Variants in DNM3 observed in about 807,000 individuals in gnomAD.
The protein encoded by DNM3 is dynamin 3.
A neutral mutation model predicts 101.6 loss-of-function variants in DNM3; 47 were observed. That is an observed-to-expected ratio of 0.46 (90% CI 0.37 to 0.59). The LOEUF (loss-of-function observed/expected upper bound fraction) is 0.59. Among genes scored for constraint, DNM3 ranks in the 20% least tolerant of loss-of-function variants. DNM3 has a pLI of 0.00. For missense variants in DNM3, 849 were observed against 1,085.7 expected (o/e 0.78, Z 3.06); for synonymous variants, 385 against 387.9 (o/e 0.99, Z 0.09).
At chr1:172,072,384 G>A (rs975151703) in intron 11 of DNM3, among the ~76,000 whole-genome samples, 5 of 152,148 alleles carry the variant, frequency 3.3e-5, no homozygotes, top group South Asian at 2.1e-4. Context: ...ATTTTTGGTA[G>A]TGGGAGTAGA....
chr1:172,217,647 T>G (rs10489293), intron 14 of DNM3, among the ~76,000 whole-genome samples: 30,652 of 152,146 alleles, frequency 0.2, 4,099 homozygotes, highest in Middle Eastern at 0.32. Context: ...AAATTTAGCC[T>G]GTATCTTACA....
intron 14 of DNM3, among the ~76,000 whole-genome samples, chr1:172,197,279 G>C (rs1019678786): frequency 6.6e-6 from 1 of 151,862 alleles, no homozygotes; most frequent in African/African-American, 2.4e-5. Flanking sequence ...GCCTGTTTTT[G>C]TATCAGTACC....
At chr1:172,106,984 C>T (rs905923439) in intron 13 of DNM3, among the ~76,000 whole-genome samples, 1 of 149,256 alleles carries the variant, frequency 6.7e-6, no homozygotes, top group Non-Finnish European at 1.5e-5. Flanking sequence ...CCTCAGCCTC[C>T]CGAGTAGCTG....
At chr1:171,911,465 T>C (rs1428126816) in intron 1 of DNM3, among the ~76,000 whole-genome samples, 1 of 152,106 alleles carries the variant, frequency 6.6e-6, no homozygotes, top group Non-Finnish European at 1.5e-5. Flanking sequence ...GTATTTTTAG[T>C]ATAGACGGGG....
At chr1:172,388,303 G>T (rs911317415) in intron 19 of DNM3, among the ~76,000 whole-genome samples, 3 of 152,072 alleles carry the variant, frequency 2.0e-5, no homozygotes, top group East Asian at 1.9e-4. Context: ...TATATATAGA[G>T]AGAGAAAATA....
chr1:172,225,399 T>TGC (rs2061075240), intron 14 of DNM3, among the ~76,000 whole-genome samples: 1 of 151,928 alleles, frequency 6.6e-6, no homozygotes, highest in Non-Finnish European at 1.5e-5. Context: ...CCTCCCAAAG[T>TGC]GCTGGGATTA....
At chr1:171,990,347 G>A (rs2045554889) in intron 4 of DNM3, among the ~76,000 whole-genome samples, 1 of 152,112 alleles carries the variant, frequency 6.6e-6, no homozygotes, top group Admixed American at 6.6e-5. Flanking sequence ...TGACCAGTGG[G>A]TTTTCCCATG....
At chr1:172,113,320 A>G (rs971040814) in intron 13 of DNM3, among the ~76,000 whole-genome samples, 55 of 152,120 alleles carry the variant, frequency 3.6e-4, no homozygotes, top group African/African-American at 1.0e-3. Flanking sequence ...ACAATTCTAT[A>G]AGGGGATATA....
chr1:171,924,630 G>GC (rs1229409103), intron 2 of DNM3, among the ~76,000 whole-genome samples: 2 of 152,086 alleles, frequency 1.3e-5, no homozygotes, highest in South Asian at 2.1e-4. Flanking sequence ...GGGGGAAACT[G>GC]CCCCCCATTA....
chr1:172,012,293 G>T (rs1263558736), intron 4 of DNM3, among the ~76,000 whole-genome samples: 2 of 152,008 alleles, frequency 1.3e-5, no homozygotes, highest in Non-Finnish European at 2.9e-5. Flanking sequence ...AGGCAAAGCA[G>T]CATGCAGGAG....
At chr1:172,243,098 G>T (rs1487975549) in intron 14 of DNM3, among the ~76,000 whole-genome samples, 1 of 152,052 alleles carries the variant, frequency 6.6e-6, no homozygotes, top group African/African-American at 2.4e-5. Context: ...TGATCGATCT[G>T]CCATCTTTAG....
intron 20 of DNM3, among the ~76,000 whole-genome samples, chr1:172,391,257 G>T (rs2069512262): frequency 6.6e-6 from 1 of 152,142 alleles, no homozygotes; most frequent in African/African-American, 2.4e-5. Flanking sequence ...GGTAAAAGAG[G>T]AAAGTTTGTT....
Position 172,387,304 on chromosome 1 carries a change from G to T in DNM3, c.2230G>T (p.Val744Leu), listed in dbSNP as rs761306122. 1 of 1,613,738 alleles carries T rather than the reference G, an allele frequency of 6.2e-7. No homozygotes were observed. The highest frequency in any genetic ancestry group is 1.3e-5 in the African/African-American group (1 of 74,900). ...GIIGDISTAT[V>L]STPAPPPVDD... is the part of the protein sequence containing the mutation. ...AATTGGGGACATCAGCACAGCCACC[G>T]TGTCCACTCCGGCACCCCCTCCAGT... is the stretch of plus-strand genomic sequence containing the variant. The change falls in exon 19 of 21, where the codon GTG (valine) becomes TTG (leucine). Residue 744 changes from valine (V) to leucine (L), a missense_variant. This residue lies in a region of DNM3 where 256 missense variants were observed against 311.7 expected (regional missense o/e 0.82). Coordinates refer to ENST00000627582, the MANE Select transcript of DNM3 (RefSeq NM_015569.5).
chr1:172,118,657 CCT>C (rs1229731438), intron 13 of DNM3, among the ~76,000 whole-genome samples: 3 of 152,026 alleles, frequency 2.0e-5, no homozygotes, highest in Non-Finnish European at 4.4e-5. Flanking sequence ...GAAAATTTCA[CCT>C]CTGTCACCCA....
intron 2 of DNM3, among the ~76,000 whole-genome samples, chr1:171,940,179 G>A (rs1256681704): frequency 6.6e-6 from 1 of 152,174 alleles, no homozygotes; most frequent in Admixed American, 6.5e-5. Flanking sequence ...ATTTTTCAAA[G>A]TGAACTAACT....
intron 13 of DNM3, among the ~76,000 whole-genome samples, chr1:172,117,503 T>C (rs2056000231): frequency 6.6e-6 from 1 of 152,128 alleles, no homozygotes; most frequent in Non-Finnish European, 1.5e-5. Flanking sequence ...GGTTTCTGCT[T>C]TTGCTTCTTC....
At chr1:172,183,727 A>G (rs2059423272) in intron 14 of DNM3, among the ~76,000 whole-genome samples, 1 of 145,424 alleles carries the variant, frequency 6.9e-6, no homozygotes, top group Admixed American at 6.9e-5. Context: ...CAGCCTCCTG[A>G]GTAGCTAGGA....
intron 2 of DNM3, chr1:171,987,451 C>G: frequency 1.7e-6 from 1 of 602,376 alleles, no homozygotes; most frequent in Non-Finnish European, 2.1e-6. Flanking sequence ...TGAAAATTGG[C>G]AAATTTAGCA....
chr1:172,231,764 G>C (rs994106672), intron 14 of DNM3, among the ~76,000 whole-genome samples: 1 of 152,218 alleles, frequency 6.6e-6, no homozygotes, highest in Non-Finnish European at 1.5e-5. Context: ...TGATGGAGCT[G>C]AAAACCATGG....
Sources: gnomAD v4.1 joint callset for allele counts (sites outside exome capture counted in the v4.1 genomes callset) on GRCh38, gnomAD v4.1.1 for gene constraint, gnomAD v4.1.1 regional missense constraint, MANE v1.5 for transcripts, NCBI Gene and HGNC (gene_info 2026-07-23, HGNC 2026-07-21) for gene names.